PRSS12: variants seen among roughly 807,000 people sequenced by gnomAD.
PRSS12 encodes the protein neurotrypsin.
Under a neutral mutation model 104.4 loss-of-function variants are expected in PRSS12, and 85 were observed. The observed-to-expected ratio is 0.81, with a 90% CI of 0.68 to 0.98. PRSS12 has a LOEUF of 0.98. PRSS12 is among the 50% of genes least tolerant of loss of function. The pLI is 0.00. For synonymous variants in PRSS12, 454 were observed against 425.2 expected (o/e 1.07, Z -0.83); for missense variants, 1,141 against 1,139.2 (o/e 1.00, Z -0.02).
chr4:118,346,942 T>C (rs1724370462), intron 1 of PRSS12, among the ~76,000 whole-genome samples: 1 of 152,054 alleles, frequency 6.6e-6, no homozygotes, highest in African/African-American at 2.4e-5. Flanking sequence ...TCTTAACACA[T>C]AGGCGCACAC....
chr4:118,330,744 T>G (rs1395839021), intron 4 of PRSS12, among the ~76,000 whole-genome samples: 1 of 152,224 alleles, frequency 6.6e-6, no homozygotes. Context: ...ATGTTCTTAT[T>G]TGTAAGAGAT....
At chr4:118,344,176 T>C (rs1426383453) in intron 1 of PRSS12, among the ~76,000 whole-genome samples, 1 of 152,162 alleles carries the variant, frequency 6.6e-6, no homozygotes, top group Non-Finnish European at 1.5e-5. Context: ...AAAAAACCAT[T>C]ACATGTTGAA....
chr4:118,348,871 C>G (rs916905410), intron 1 of PRSS12, among the ~76,000 whole-genome samples: 5 of 152,038 alleles, frequency 3.3e-5, no homozygotes, highest in South Asian at 2.1e-4. Flanking sequence ...AGCCTGGTCT[C>G]GAACTCCCGA....
At position 118,348,249 on chromosome 4, in the gene PRSS12, A is replaced by G. The variant is rs140514043; in HGVS notation, c.502+3970T>C. The stretch of plus-strand genomic sequence containing the variant: ...CCATATTCCAGTGAACTAGGTTATT[A>G]CTATCTTACACTGGTCAAATAAAAA... On this transcript the variant is annotated intron_variant, in intron 1 of 12. Coordinates refer to ENST00000296498, the MANE Select transcript of PRSS12 (RefSeq NM_003619.4). Among the ~76,000 whole-genome samples the G allele has an allele frequency of 3.7e-3, 557 of 152,324 alleles. 5 individuals carry two copies. The highest frequency in any genetic ancestry group is 0.013 in the African/African-American group (523 of 41,576).
At chr4:118,343,300 C>T (rs796714431) in intron 1 of PRSS12, among the ~76,000 whole-genome samples, 11 of 151,908 alleles carry the variant, frequency 7.2e-5, no homozygotes, top group African/African-American at 1.4e-4. Flanking sequence ...GCTACTAAGG[C>T]GGAAGGATTG....
chr4:118,338,241 G>T lies in PRSS12; in HGVS notation c.576C>A (p.Gly192=). ...TVEVYASGVW[G]TVCSSHWDDS... ...CATCCCAGTGGCTGCTACAGACAGT[G>T]CCCCAAACTCCACTTGCATATACTT... Residue 192 remains glycine, a synonymous_variant, in exon 2 of 13, where the codon GGC becomes GGA. Transcript: ENST00000296498. 1.2e-6 allele frequency: 2 copies of T among 1,614,040 alleles called. No individual in the cohort carries two copies. The highest frequency in any genetic ancestry group is 1.7e-6 in the Non-Finnish European group (2 of 1,179,942).
chr4:118,334,169 T>C (rs1363737234), intron 3 of PRSS12, among the ~76,000 whole-genome samples: 2 of 152,206 alleles, frequency 1.3e-5, no homozygotes, highest in African/African-American at 4.8e-5. Context: ...AGAGAATCTT[T>C]TTAAATTCTC....
intron 11 of PRSS12, among the ~76,000 whole-genome samples, chr4:118,284,739 G>A (rs966638194): frequency 3.3e-5 from 5 of 151,994 alleles, no homozygotes; most frequent in African/African-American, 1.2e-4. Context: ...ACAATCACTC[G>A]AAAAACTACC....
chr4:118,307,391 G>GA (rs1482341003), intron 8 of PRSS12, among the ~76,000 whole-genome samples: 1 of 151,930 alleles, frequency 6.6e-6, no homozygotes, highest in Non-Finnish European at 1.5e-5. Context: ...ATTCTTTATA[G>GA]AAAATAACCA....
intron 4 of PRSS12, among the ~76,000 whole-genome samples, chr4:118,321,260 A>C (rs1255481782): frequency 2.6e-5 from 4 of 152,220 alleles, no homozygotes; most frequent in Admixed American, 2.6e-4. Flanking sequence ...ATAAATGCTT[A>C]ATTAATAGGA....
Position 118,281,551 on chromosome 4 carries a change from T to A in PRSS12, c.*385A>T. 16 of 292,988 alleles carry A rather than the reference T, an allele frequency of 5.5e-5. No homozygotes were observed. Among genetic ancestry groups the A allele is most frequent in the Admixed American group, 9.3e-5 (2 of 21,524 alleles). 18.1% of individuals were successfully genotyped at this position (292,988 alleles called of 1,614,324 possible). A position where few individuals can be genotyped will look rare whatever the true frequency, so the allele number is the denominator to read the frequency against. ...TGAGTGTAGTAAAGGGTACCGCATT[T>A]ATGTCAAATGTGGGTATTTAATATG... On this transcript the variant is annotated 3_prime_UTR_variant, in exon 13 of 13. Coordinates refer to ENST00000296498, the MANE Select transcript of PRSS12 (RefSeq NM_003619.4).
At chr4:118,289,587 C>T (rs1197358359) in intron 11 of PRSS12, among the ~76,000 whole-genome samples, 1 of 152,150 alleles carries the variant, frequency 6.6e-6, no homozygotes, top group East Asian at 1.9e-4. Flanking sequence ...TTCAGTGTTT[C>T]TGATGATGAA....
At chr4:118,306,957 A>T (rs994633643) in intron 8 of PRSS12, among the ~76,000 whole-genome samples, 2 of 152,152 alleles carry the variant, frequency 1.3e-5, no homozygotes, top group African/African-American at 4.8e-5. Context: ...TTCCACCAAG[A>T]CAATAAAATT....
chr4:118,338,146 A>G, intron 2 of PRSS12, 30 bp downstream of exon 2: 1 of 1,613,692 alleles, frequency 6.2e-7, no homozygotes, highest in Non-Finnish European at 8.5e-7. Context: ...ATACTAGCTG[A>G]CTGATTTGGT....
At chr4:118,295,368 T>G (rs547488954) in intron 10 of PRSS12, among the ~76,000 whole-genome samples, 2 of 152,232 alleles carry the variant, frequency 1.3e-5, no homozygotes, top group Non-Finnish European at 2.9e-5. Flanking sequence ...CTCTCCTCAC[T>G]CTACCTCGCC....
chr4:118,334,798 G>A (rs1331319502), intron 3 of PRSS12, among the ~76,000 whole-genome samples: 1 of 152,122 alleles, frequency 6.6e-6, no homozygotes, highest in Non-Finnish European at 1.5e-5. Flanking sequence ...AATGCAAAAA[G>A]GGATACCATG....
intron 10 of PRSS12, 28 bp downstream of exon 10, chr4:118,295,750 A>T: frequency 1.3e-6 from 2 of 1,580,880 alleles, no homozygotes; most frequent in Non-Finnish European, 1.7e-6. Flanking sequence ...TCTGTAATAT[A>T]AAAAATCTCT....
rs757828790 is a variant in PRSS12, at chr4:118,283,017, T to C, written c.2134A>G (p.Ile712Val). Residue 712 changes from isoleucine (I) to valine (V), a missense_variant, in exon 12 of 13, where the codon ATT becomes GTT. Ile to Val is a conservative substitution (Grantham distance 29). Transcript: ENST00000296498. Reference protein sequence around the residue: ...EFEEEIGVQQIVIHREYRPDR... With the variant: ...EFEEEIGVQQVVIHREYRPDR... ...GGTCGATACTCCCGATGAATCACAA[T>C]CTGTTGAACTCCAATTTCTTCCTCA... 1.2e-6 allele frequency: 2 copies of C among 1,614,126 alleles called. No homozygotes were observed. Among genetic ancestry groups the C allele is most frequent in the East Asian group, 4.5e-5 (2 of 44,868 alleles).
chr4:118,282,044 C>G lies in PRSS12; in HGVS notation c.2520G>C (p.Val840=), dbSNP rs754527511. 4.5e-5 allele frequency: 73 copies of G among 1,614,080 alleles called. No homozygotes were observed. Among genetic ancestry groups the G allele is most frequent in the Non-Finnish European group, 5.1e-5 (60 of 1,180,036 alleles). Residue 840 remains valine, a synonymous_variant, in exon 13 of 13, where the codon GTG becomes GTC. Coordinates refer to ENST00000296498, the MANE Select transcript of PRSS12 (RefSeq NM_003619.4). ...CATACCCCCAGGAGGTCACCCCATA[C>G]ACCACCCAGCTCTCTCCGGGCCGTT... The part of the protein sequence containing the change: ...MCERPGESWV[V]YGVTSWGYGC...
Sources: allele counts gnomAD v4.1 joint callset (sites outside exome capture counted in the v4.1 genomes callset), GRCh38; gene constraint gnomAD v4.1.1; transcripts MANE v1.5; gene names NCBI Gene and HGNC (gene_info 2026-07-23, HGNC 2026-07-21).